Variants in CA10 observed in about 807,000 individuals in gnomAD.
CA10 encodes carbonic anhydrase 10 (inactive).
A neutral mutation model predicts 44.2 loss-of-function variants in CA10; 14 were observed. The observed-to-expected ratio is 0.32, with a 90% confidence interval of 0.21 to 0.50. CA10 has a LOEUF of 0.50. CA10 is among the 20% of genes least tolerant of loss of function. CA10 has a pLI of 0.99. For missense variants in CA10, 350 were observed against 409.7 expected, an observed-to-expected ratio of 0.85 and a Z score of 1.26; for synonymous variants, 159 against 141.6, an observed-to-expected ratio of 1.12 and a Z score of -0.87.
intron 3 of CA10, among the ~76,000 whole-genome samples, chr17:51,753,401 T>C (rs903321193): frequency 1.3e-5 from 2 of 152,358 alleles, no homozygotes; most frequent in East Asian, 3.9e-4. Flanking sequence ...GGGCCTCTAA[T>C]AAATGGGGTC....
At chr17:52,057,387 C>T (rs1055662698) in intron 2 of CA10, among the ~76,000 whole-genome samples, 18 of 152,218 alleles carry the variant, frequency 1.2e-4, no homozygotes, top group African/African-American at 4.1e-4. Context: ...TCCACTTCCA[C>T]ATAATGAACA....
At chr17:51,760,453 G>T (rs1567830554) in intron 3 of CA10, among the ~76,000 whole-genome samples, 1 of 152,164 alleles carries the variant, frequency 6.6e-6, no homozygotes, top group Non-Finnish European at 1.5e-5. Context: ...GTGACAGCAG[G>T]GAGCGGTGGA....
rs531742421 is a variant in CA10 at position 51,765,068 on chromosome 17, A to C, written c.280-17250T>G. Among the ~76,000 whole-genome samples the C allele has an allele frequency of 7.2e-5, 11 of 152,346 alleles. No homozygotes were observed. In the East Asian group the frequency reaches 1.7e-3, roughly 24 times the overall value. The stretch of plus-strand genomic sequence containing the variant: ...CTCAGCAGTTGAAGATTTTAAATGA[A>C]AAATGGTGCTAATGAGCAGAATAAG... On this transcript the variant is annotated intron_variant, in intron 3 of 8. Coordinates refer to ENST00000451037, the MANE Select transcript of CA10 (RefSeq NM_020178.5).
chr17:52,089,876 A>G (rs964138353), intron 1 of CA10, among the ~76,000 whole-genome samples: 10 of 152,154 alleles, frequency 6.6e-5, no homozygotes, highest in Admixed American at 6.6e-4. Flanking sequence ...GATGGGGAAT[A>G]CAATTTGGAA....
At chr17:51,634,734 A>G (rs528686974) in intron 7 of CA10, among the ~76,000 whole-genome samples, 1 of 152,332 alleles carries the variant, frequency 6.6e-6, no homozygotes, top group South Asian at 2.1e-4. Flanking sequence ...TACATATCAT[A>G]CCACTTCCTC....
rs146284763 is a variant in CA10, at chr17:51,739,842, A to T, written c.465+7791T>A. On this transcript the variant is annotated intron_variant, in intron 4 of 8. Transcript: ENST00000451037. ...AGGCCAGTTTGCTCACTCTGGTGGGACTGGCTCTTAGAATCTAGAAATTTG... is the reference window on the plus strand; with the variant it reads ...AGGCCAGTTTGCTCACTCTGGTGGGTCTGGCTCTTAGAATCTAGAAATTTG... 7.2e-5 allele frequency among the ~76,000 whole-genome samples: 11 copies of T among 152,262 alleles called. No individual in the cohort carries two copies. In the East Asian group the frequency reaches 2.1e-3, roughly 29 times the overall value.
At chr17:51,905,113 G>T (rs909368897) in intron 3 of CA10, among the ~76,000 whole-genome samples, 3 of 152,122 alleles carry the variant, frequency 2.0e-5, no homozygotes, top group Non-Finnish European at 2.9e-5. Context: ...TTCTCTTCAT[G>T]ATGACAAAAT....
intron 3 of CA10, among the ~76,000 whole-genome samples, chr17:51,919,120 G>T (rs1054128110): frequency 1.3e-5 from 2 of 151,948 alleles, no homozygotes; most frequent in South Asian, 2.1e-4. Flanking sequence ...CCTTCAAAAA[G>T]AATCTACTAT....
At chr17:52,056,873 T>C (rs552975850) in intron 2 of CA10, among the ~76,000 whole-genome samples, 38 of 152,252 alleles carry the variant, frequency 2.5e-4, no homozygotes, top group East Asian at 1.7e-3. Context: ...CAGAATGATA[T>C]AGTTGATGTA....
At chr17:51,835,121 C>G (rs897990656) in intron 3 of CA10, among the ~76,000 whole-genome samples, 15 of 152,204 alleles carry the variant, frequency 9.9e-5, no homozygotes, top group African/African-American at 3.6e-4. Flanking sequence ...AGATAAACAT[C>G]TTGCAACTGG....
intron 3 of CA10, chr17:51,762,663 T>C (rs1159543386): frequency 6.6e-6 from 1 of 152,114 alleles, no homozygotes; most frequent in East Asian, 1.9e-4. Flanking sequence ...TATTATTTAC[T>C]TTCCACCAAA....
At chr17:51,988,402 G>C (rs1984921020) in intron 2 of CA10, among the ~76,000 whole-genome samples, 1 of 151,926 alleles carries the variant, frequency 6.6e-6, no homozygotes, top group African/African-American at 2.4e-5. Flanking sequence ...TGCCCATGAA[G>C]AAAGATCCTC....
chr17:51,638,888 T>A (rs1220827049), intron 6 of CA10, among the ~76,000 whole-genome samples: 15 of 151,990 alleles, frequency 9.9e-5, no homozygotes. Context: ...GACAGAGCAA[T>A]GCTAGAAAAA....
intron 3 of CA10, among the ~76,000 whole-genome samples, chr17:51,752,763 T>C (rs910280012): frequency 1.3e-5 from 2 of 152,102 alleles, no homozygotes; most frequent in African/African-American, 2.4e-5. Context: ...ACCCCGTCTC[T>C]ACTAAAAATA....
chr17:51,645,227 G>A (rs1287259631), intron 6 of CA10, among the ~76,000 whole-genome samples: 4 of 152,150 alleles, frequency 2.6e-5, no homozygotes, highest in Non-Finnish European at 5.9e-5. Context: ...TGTGGACTCT[G>A]CCCCTTGTAG....
At chr17:51,994,837 TA>T (rs5820895) in intron 2 of CA10, among the ~76,000 whole-genome samples, 51,350 of 151,726 alleles carry the variant, frequency 0.34, 10,408 homozygotes, top group East Asian at 0.74. Flanking sequence ...TATTAGACCC[TA>T]AAAACACCTA....
intron 1 of CA10, among the ~76,000 whole-genome samples, chr17:52,085,971 A>G (rs752581327): frequency 3.3e-5 from 5 of 152,206 alleles, no homozygotes; most frequent in Non-Finnish European, 5.9e-5. Flanking sequence ...AAGCTCTATT[A>G]TAATCTCTGA....
intron 2 of CA10, among the ~76,000 whole-genome samples, chr17:52,064,391 AC>A (rs1305228665): frequency 6.6e-6 from 1 of 152,138 alleles, no homozygotes; most frequent in Non-Finnish European, 1.5e-5. Flanking sequence ...TTAAGTAGCA[AC>A]CAAAAAATCA....
At chr17:51,698,683 T>C (rs943209871) in intron 4 of CA10, among the ~76,000 whole-genome samples, 11 of 152,342 alleles carry the variant, frequency 7.2e-5, no homozygotes, top group Admixed American at 5.9e-4. Flanking sequence ...TTTTGTATAC[T>C]GATACTGTAC....
Sources: gnomAD v4.1 joint callset for allele counts (sites outside exome capture counted in the v4.1 genomes callset) on GRCh38, gnomAD v4.1.1 for gene constraint, MANE v1.5 for transcripts, NCBI Gene and HGNC (gene_info 2026-07-23, HGNC 2026-07-21) for gene names.